MECOM: variants seen among roughly 807,000 people sequenced by gnomAD.
MECOM encodes the protein MDS1 and EVI1 complex locus, also known as histone-lysine N-methyltransferase MECOM.
A neutral mutation model predicts 116.3 loss-of-function variants in MECOM; 13 were observed. The ratio of observed to expected loss-of-function variants is 0.11; its 90% confidence interval spans 0.07 to 0.18. MECOM has a LOEUF of 0.18. Among genes scored for constraint, MECOM ranks in the 10% least tolerant of loss-of-function variants. MECOM has a pLI of 1.00. For synonymous variants in MECOM, 528 were observed against 535.2 expected, an observed-to-expected ratio of 0.99 and a Z score of 0.19; for missense variants, 1,299 against 1,509.0, an observed-to-expected ratio of 0.86 and a Z score of 2.31.
At chr3:169,410,644 A>C (rs1737410929) in intron 1 of MECOM, among the ~76,000 whole-genome samples, 1 of 152,200 alleles carries the variant, frequency 6.6e-6, no homozygotes, top group South Asian at 2.1e-4. Flanking sequence ...CCACATTTAC[A>C]AAGTTAAGTG....
At chr3:169,466,689 C>A (rs919314563) in intron 1 of MECOM, among the ~76,000 whole-genome samples, 5 of 151,834 alleles carry the variant, frequency 3.3e-5, no homozygotes, top group Non-Finnish European at 7.4e-5. Context: ...GTGGCTCTTT[C>A]CTGAAAATGA....
chr3:169,362,730 C>T (rs1214566893), intron 2 of MECOM, among the ~76,000 whole-genome samples: 2 of 151,960 alleles, frequency 1.3e-5, no homozygotes, highest in South Asian at 4.1e-4. Context: ...AGTCACAGTG[C>T]TTCGTGTATA....
chr3:169,389,337 C>CATT (rs1482113605), intron 1 of MECOM, among the ~76,000 whole-genome samples: 1 of 152,180 alleles, frequency 6.6e-6, no homozygotes, highest in Non-Finnish European at 1.5e-5. Flanking sequence ...AACGCAAAGA[C>CATT]ATTAAAGTTC....
chr3:169,344,777 A>G (rs1725073206), intron 2 of MECOM, among the ~76,000 whole-genome samples: 1 of 152,210 alleles, frequency 6.6e-6, no homozygotes, highest in African/African-American at 2.4e-5. Flanking sequence ...AAATTTGAGG[A>G]GCAATTATGC....
chr3:169,466,165 CAT>C, intron 1 of MECOM, among the ~76,000 whole-genome samples: 1 of 152,254 alleles, frequency 6.6e-6, no homozygotes, highest in Non-Finnish European at 1.5e-5. Flanking sequence ...GTTAGGAATC[CAT>C]CAGTCCAACA....
intron 2 of MECOM, among the ~76,000 whole-genome samples, chr3:169,286,079 A>G (rs1713253040): frequency 6.6e-6 from 1 of 152,238 alleles, no homozygotes; most frequent in Non-Finnish European, 1.5e-5. Context: ...CCATAAGAAA[A>G]TCTACCCTCT....
intron 1 of MECOM, among the ~76,000 whole-genome samples, chr3:169,487,611 A>G (rs531838230): frequency 1.3e-5 from 2 of 152,260 alleles, no homozygotes; most frequent in African/African-American, 4.8e-5. Flanking sequence ...AGTAGAAGAA[A>G]AAGAAACAGA....
chr3:169,105,871 T>G (rs1207867234), intron 10 of MECOM, among the ~76,000 whole-genome samples: 1 of 152,146 alleles, frequency 6.6e-6, no homozygotes, highest in Non-Finnish European at 1.5e-5. Context: ...TGTAGCTATC[T>G]CTCTAGTCAA....
In MECOM at chr3:169,648,451, G is replaced by A. The variant is rs540148123; in HGVS notation, c.37+14885C>T. Among the ~76,000 whole-genome samples the A allele has an allele frequency of 6.6e-5, 10 of 152,234 alleles. 1 individual carries two copies. The South Asian group carries it at 2.1e-3, about 32-fold the overall frequency. On this transcript the variant is annotated intron_variant, in intron 1 of 16. Transcript: ENST00000651503. Reference sequence around the variant, plus strand: ...ATATATGATACAATGCTGCTTCATGGGTCAAACCACGGTCTCTGCTGGTAT... The same window carrying A: ...ATATATGATACAATGCTGCTTCATGAGTCAAACCACGGTCTCTGCTGGTAT...
chr3:169,307,314 C>T (rs2149723216), intron 2 of MECOM, among the ~76,000 whole-genome samples: 1 of 152,276 alleles, frequency 6.6e-6, no homozygotes, highest in South Asian at 2.1e-4. Flanking sequence ...CCAAAATAAT[C>T]ATTTAAAAAC....
At chr3:169,236,769 C>G (rs1195638684) in intron 2 of MECOM, among the ~76,000 whole-genome samples, 2 of 152,164 alleles carry the variant, frequency 1.3e-5, no homozygotes, top group Non-Finnish European at 2.9e-5. Flanking sequence ...TAACAAGTGG[C>G]ACGTTATTAT....
chr3:169,416,344 T>C (rs1738590544), intron 1 of MECOM, among the ~76,000 whole-genome samples: 1 of 151,998 alleles, frequency 6.6e-6, no homozygotes. Flanking sequence ...AAAGACACAA[T>C]GTACCAGAAT....
intron 2 of MECOM, among the ~76,000 whole-genome samples, chr3:169,265,531 A>T (rs567876204): frequency 1.3e-5 from 2 of 152,346 alleles, no homozygotes; most frequent in East Asian, 3.9e-4. Context: ...CATCATTGGA[A>T]GATTGAAGTT....
intron 1 of MECOM, among the ~76,000 whole-genome samples, chr3:169,539,369 C>A (rs966878793): frequency 6.6e-6 from 1 of 152,164 alleles, no homozygotes; most frequent in Non-Finnish European, 1.5e-5. Context: ...TTCCTTTGAA[C>A]CTCCACCAAG....
At chr3:169,570,008 A>G (rs1457530527) in intron 1 of MECOM, among the ~76,000 whole-genome samples, 1 of 152,220 alleles carries the variant, frequency 6.6e-6, no homozygotes, top group Non-Finnish European at 1.5e-5. Context: ...TGAAGGATAG[A>G]GACTTGAAGA....
chr3:169,438,352 T>A (rs1410483205), intron 1 of MECOM, among the ~76,000 whole-genome samples: 1 of 152,152 alleles, frequency 6.6e-6, no homozygotes, highest in African/African-American at 2.4e-5. Context: ...CAGCAGACCC[T>A]GAGACAATGG....
chr3:169,244,990 A>C (rs1242672040), intron 2 of MECOM, among the ~76,000 whole-genome samples: 1 of 152,200 alleles, frequency 6.6e-6, no homozygotes, highest in Non-Finnish European at 1.5e-5. Flanking sequence ...ACAGCAAAAA[A>C]ACGAAGGCTT....
chr3:169,414,445 C>G (rs1738175425), intron 1 of MECOM, among the ~76,000 whole-genome samples: 1 of 152,162 alleles, frequency 6.6e-6, no homozygotes, highest in Admixed American at 6.5e-5. Context: ...CACAAAAAGG[C>G]TGATAATTCC....
At chr3:169,380,543 G>A (rs1732223815) in intron 2 of MECOM, among the ~76,000 whole-genome samples, 1 of 152,004 alleles carries the variant, frequency 6.6e-6, no homozygotes, top group Admixed American at 6.6e-5. Flanking sequence ...TGAAAAATAT[G>A]ACTGAAACGA....
Sources: allele counts gnomAD v4.1 joint callset (sites outside exome capture counted in the v4.1 genomes callset), GRCh38; gene constraint gnomAD v4.1.1; transcripts MANE v1.5; gene names NCBI Gene and HGNC (gene_info 2026-07-23, HGNC 2026-07-21).